PLCB3: variants seen among roughly 807,000 people sequenced by gnomAD.
PLCB3 encodes the protein 1-phosphatidylinositol 4,5-bisphosphate phosphodiesterase beta-3.
A neutral mutation model predicts 152.1 loss-of-function variants in PLCB3; 54 were observed. The ratio of observed to expected loss-of-function variants is 0.36; its 90% CI spans 0.29 to 0.45. The LOEUF is 0.45. Among genes scored for constraint, PLCB3 ranks in the 20% least tolerant of loss-of-function variants. PLCB3 has a pLI of 1.00. For missense variants in PLCB3, 1,248 were observed against 1,687.5 expected, an observed-to-expected ratio of 0.74 and a Z score of 4.56; for synonymous variants, 717 against 698.7, an observed-to-expected ratio of 1.03 and a Z score of -0.41.
rs1428855116 is a variant in PLCB3, at chr11:64,255,963, C to T, written c.698+142C>T. On this transcript the variant is annotated intron_variant, in intron 8 of 30. Coordinates refer to ENST00000279230, the MANE Select transcript of PLCB3 (RefSeq NM_000932.5). This position sits in a 1 kb window ranked among gnomAD's most constrained non-coding sequence, Gnocchi z 6.8. ...GGGCGGAGGGGTGCCCAGGGAGAAC[C>T]TGTCGGTGATGTTCCTGTACTCAGA... 23 of 666,892 alleles carry T rather than the reference C, an allele frequency of 3.4e-5. No individual in the cohort carries two copies. Among genetic ancestry groups the T allele is most frequent in the East Asian group, 2.4e-4 (9 of 37,182 alleles). The allele number at this position is 666,892 out of a possible 1,614,324, so 41.3% of individuals were successfully genotyped here. A position where few individuals can be genotyped will look rare whatever the true frequency, so the allele number is the denominator to read the frequency against.
intron 1 of PLCB3, among the ~76,000 whole-genome samples, chr11:64,252,723 C>G (rs1017869163): frequency 1.3e-5 from 2 of 152,020 alleles, no homozygotes; most frequent in African/African-American, 4.8e-5. Flanking sequence ...CCCCTCCCCC[C>G]AGGCTGGCCT....
At chr11:64,260,534 C>G (rs2031794513) in intron 14 of PLCB3, among the ~76,000 whole-genome samples, 1 of 151,808 alleles carries the variant, frequency 6.6e-6, no homozygotes, top group South Asian at 2.1e-4. Context: ...GTACAAAGGT[C>G]CTGGGGCAGG....
At chr11:64,253,044 A>G (rs760353696) in intron 1 of PLCB3, among the ~76,000 whole-genome samples, 7 of 152,320 alleles carry the variant, frequency 4.6e-5, no homozygotes, top group East Asian at 1.9e-4. Flanking sequence ...TGCATCCCCA[A>G]ATTTTGGGGG....
At chr11:64,262,946 G>A (rs1707787450) in intron 19 of PLCB3, 138 bp downstream of exon 19, 1 of 821,634 alleles carries the variant, frequency 1.2e-6, no homozygotes, top group Non-Finnish European at 1.9e-6. Context: ...GGGTCCCCCA[G>A]GACCTGCCTG....
In PLCB3 at chr11:64,256,433, G is replaced by C. The variant is rs1337150384; in HGVS notation, c.756G>C (p.Gln252His). The C allele has an allele frequency of 2.5e-6, 4 of 1,613,758 alleles. No individual in the cohort carries two copies. The highest frequency in any genetic ancestry group is 3.4e-6 in the Non-Finnish European group (4 of 1,180,020). ...TLEQLMDFIN[Q>H]KQRDPRLNEV... The stretch of plus-strand genomic sequence containing the variant: ...AGCAGCTCATGGACTTCATCAACCA[G>C]AAGCAACGCGACCCGAGACTCAACG... Residue 252 changes from glutamine to histidine, a missense_variant, in exon 9 of 31, where the codon CAG becomes CAC. By Grantham distance (24) the Gln-to-His change is conservative (BLOSUM62 0). This residue lies in a region of PLCB3 where 299 missense variants were observed against 434.7 expected (regional missense o/e 0.69). Transcript: ENST00000279230.
intron 20 of PLCB3, 36 bp from the exon 21 acceptor site, chr11:64,263,655 G>C (rs766043895): frequency 6.2e-6 from 10 of 1,607,668 alleles, no homozygotes; most frequent in Non-Finnish European, 7.7e-6. Flanking sequence ...CCCCCACCTG[G>C]CCCAGCAACC....
rs368776876 is a variant in PLCB3, at chr11:64,255,673, C to T, written c.598-48C>T. 7.8e-5 allele frequency: 124 copies of T among 1,586,986 alleles called. No homozygotes were observed. The highest frequency in any genetic ancestry group is 2.5e-4 in the East Asian group (11 of 43,592). On this transcript the variant is annotated intron_variant, in intron 7 of 30. Coordinates refer to ENST00000279230, the MANE Select transcript of PLCB3 (RefSeq NM_000932.5). This position sits in a 1 kb window ranked among gnomAD's most constrained non-coding sequence, Gnocchi z 6.8. The stretch of plus-strand genomic sequence containing the variant: ...GTGTCACGGTGGGCACCCACCCTTA[C>T]GGGGCTGCCCGCCCCTGGCTTCTCA...
intron 14 of PLCB3, 23 bp from the exon 15 acceptor site, chr11:64,261,377 T>A: frequency 6.3e-7 from 1 of 1,592,110 alleles, no homozygotes; most frequent in Non-Finnish European, 8.6e-7. Context: ...ATGGCACTGC[T>A]GACCCTGGGT....
rs534987440 is a variant in PLCB3 at position 64,251,600 on chromosome 11, T to C, written c.-50T>C. On this transcript the variant is annotated 5_prime_UTR_variant, in exon 1 of 31. Coordinates refer to ENST00000279230, the MANE Select transcript of PLCB3 (RefSeq NM_000932.5). ...CCGCGCGGTGGGAGCAGCGGCGCCG[T>C]CGGTCCCCGTCAGGGCTCCGTGGGT... 3.2e-6 allele frequency: 3 copies of C among 928,372 alleles called. No individual in the cohort carries two copies. The highest frequency in any genetic ancestry group is 4.3e-6 in the Non-Finnish European group (3 of 699,328). The allele number at this position is 928,372 out of a possible 1,614,324, so 57.5% of individuals were successfully genotyped here.
rs768799014 is a variant in PLCB3 at position 64,261,670 on chromosome 11, C to T, written c.1913+5C>T. 6.2e-7 allele frequency: 1 copy of T among 1,613,002 alleles called. No homozygotes were observed. On this transcript the variant is annotated splice_donor_5th_base_variant and intron_variant, in intron 16 of 30. Coordinates refer to ENST00000279230, the MANE Select transcript of PLCB3 (RefSeq NM_000932.5). ...GAGCCCCATGGAGTTTGTGGAGTATCCTTTGAAGGTGCTGTGGGCGGGCAG... is the reference window on the plus strand; with the variant it reads ...GAGCCCCATGGAGTTTGTGGAGTATTCTTTGAAGGTGCTGTGGGCGGGCAG...
Position 64,255,185 on chromosome 11 carries a change from GC to G in PLCB3, c.388-45del, listed in dbSNP as rs1380940664. On this transcript the variant is annotated intron_variant, in intron 4 of 30. Transcript: ENST00000279230. This position sits in a 1 kb window ranked among gnomAD's most constrained non-coding sequence, Gnocchi z 6.8. Reference sequence around the variant, plus strand: ...TGTGGACCTGGGTTGTGGCTGGGCAGCCCCTGTGTCCCCCACTCACCGCCTC... The same window carrying G: ...TGTGGACCTGGGTTGTGGCTGGGCAGCCCTGTGTCCCCCACTCACCGCCTC... 5.2e-6 allele frequency: 8 copies of G among 1,543,954 alleles called. No homozygotes were observed. In the South Asian group the frequency reaches 8.9e-5, roughly 17 times the overall value.
chr11:64,255,399 C>T lies in PLCB3; in HGVS notation c.471C>T (p.Tyr157=). The T allele has an allele frequency of 6.2e-7, 1 of 1,614,146 alleles. No individual in the cohort carries two copies. The highest frequency in any genetic ancestry group is 8.5e-7 in the Non-Finnish European group (1 of 1,180,016). Residue 157 remains tyrosine (Y), a synonymous_variant, in exon 6 of 31, where the codon TAC becomes TAT. Transcript: ENST00000279230. This position sits in a 1 kb window ranked among gnomAD's most constrained non-coding sequence, Gnocchi z 6.8. ...ACCTCTTCATCTGCCTTCCCAGATACACGAAGCTGAAGCTGCAGGTGAACC... is the reference window on the plus strand; with the variant it reads ...ACCTCTTCATCTGCCTTCCCAGATATACGAAGCTGAAGCTGCAGGTGAACC... ...ASRNTFLRKA[Y]TKLKLQVNQD... is the part of the protein sequence containing the mutation.
Position 64,255,209 on chromosome 11 carries a change from C to A in PLCB3, c.388-25C>A. ...AGCCCCTGTGTCCCCCACTCACCGCCTCCCCGTGTATACTGGCCCCCCAGG... is the reference window on the plus strand; with the variant it reads ...AGCCCCTGTGTCCCCCACTCACCGCATCCCCGTGTATACTGGCCCCCCAGG... On this transcript the variant is annotated intron_variant, in intron 4 of 30. Coordinates refer to ENST00000279230, the MANE Select transcript of PLCB3 (RefSeq NM_000932.5). This position sits in a 1 kb window ranked among gnomAD's most constrained non-coding sequence, Gnocchi z 6.8. 6.3e-7 allele frequency: 1 copy of A among 1,598,996 alleles called. No homozygotes were observed. Among genetic ancestry groups the A allele is most frequent in the Non-Finnish European group, 8.6e-7 (1 of 1,167,170 alleles).
In PLCB3 at chr11:64,258,068, C is replaced by A. The variant is rs979323631; in HGVS notation, c.1013-405C>A. Reference sequence around the variant, plus strand: ...ACTCGGGAGGCTGAGGCAGGAGAATCGCTTGAACCAGGGAGGCGGAGGTTG... The same window carrying A: ...ACTCGGGAGGCTGAGGCAGGAGAATAGCTTGAACCAGGGAGGCGGAGGTTG... On this transcript the variant is annotated intron_variant, in intron 10 of 30. Transcript: ENST00000279230. This position sits in a 1 kb window ranked among gnomAD's most constrained non-coding sequence, Gnocchi z 7.2. Among the ~76,000 whole-genome samples, 6 of 151,350 alleles carry A rather than the reference C, an allele frequency of 4.0e-5. No homozygotes were observed. Among genetic ancestry groups the A allele is most frequent in the Non-Finnish European group, 7.4e-5 (5 of 67,858 alleles).
chr11:64,266,451 G>A lies in PLCB3; in HGVS notation c.3357-44G>A. Reference sequence around the variant, plus strand: ...GCCATCTGGGTACTGGGGAGGCAGGGCAGGTGTCTGGGCCCCGAGCCATCC... The same window carrying A: ...GCCATCTGGGTACTGGGGAGGCAGGACAGGTGTCTGGGCCCCGAGCCATCC... On this transcript the variant is annotated intron_variant, in intron 28 of 30. Transcript: ENST00000279230. This position sits in a 1 kb window ranked among gnomAD's most constrained non-coding sequence, Gnocchi z 4.9. 6.2e-7 allele frequency: 1 copy of A among 1,605,218 alleles called. No homozygotes were observed. Among genetic ancestry groups the A allele is most frequent in the Middle Eastern group, 1.7e-4 (1 of 6,036 alleles).
intron 10 of PLCB3, among the ~76,000 whole-genome samples, chr11:64,257,380 T>G (rs934993993): frequency 2.6e-5 from 4 of 152,256 alleles, no homozygotes; most frequent in Non-Finnish European, 5.9e-5. Context: ...TTTGGGAGGC[T>G]GAAGCAGGCA....
chr11:64,266,299 C>T lies in PLCB3; in HGVS notation c.3267-16C>T. ...TCTGCCGCTGACCCCTCCTCTTCCC[C>T]TGCCGGCTTCTCCAGGGAGAAGAAG... On this transcript the variant is annotated splice_polypyrimidine_tract_variant and intron_variant, in intron 27 of 30. Coordinates refer to ENST00000279230, the MANE Select transcript of PLCB3 (RefSeq NM_000932.5). The surrounding 1 kb of genome is among the most constrained non-coding windows in gnomAD (Gnocchi z 4.9). The T allele has an allele frequency of 1.2e-6, 2 of 1,613,606 alleles. No individual in the cohort carries two copies. The highest frequency in any genetic ancestry group is 1.7e-5 in the Admixed American group (1 of 59,942).
In PLCB3 at chr11:64,255,676, G is replaced by T; in HGVS notation, c.598-45G>T. On this transcript the variant is annotated intron_variant, in intron 7 of 30. Transcript: ENST00000279230. The surrounding 1 kb of genome is among the most constrained non-coding windows in gnomAD (Gnocchi z 6.8). The stretch of plus-strand genomic sequence containing the variant: ...TCACGGTGGGCACCCACCCTTACGG[G>T]GCTGCCCGCCCCTGGCTTCTCACCC... The T allele has an allele frequency of 3.1e-6, 5 of 1,609,674 alleles. No individual in the cohort carries two copies. Among genetic ancestry groups the T allele is most frequent in the Non-Finnish European group, 4.2e-6 (5 of 1,176,980 alleles).
At position 64,262,273 on chromosome 11, in the gene PLCB3, C is replaced by T. The variant is rs534070219; in HGVS notation, c.2039-134C>T. On this transcript the variant is annotated intron_variant, in intron 17 of 30. Transcript: ENST00000279230. ...TCCCCTGTCTGATCTGTCCTGGATC[C>T]GGACCCTGATGCCATTTGAGCCCGC... The T allele has an allele frequency of 2.7e-4, 359 of 1,306,546 alleles. 3 individuals carry two copies. In the South Asian group the frequency reaches 4.0e-3, roughly 15 times the overall value. The allele number at this position is 1,306,546 out of a possible 1,614,324, so 80.9% of individuals were successfully genotyped here.
Sources: gnomAD v4.1 joint callset for allele counts (sites outside exome capture counted in the v4.1 genomes callset) on GRCh38, gnomAD v4.1.1 for gene constraint, gnomAD v4.1.1 regional missense constraint, Gnocchi (gnomAD v3.1) non-coding constraint, MANE v1.5 for transcripts, NCBI Gene and HGNC (gene_info 2026-07-23, HGNC 2026-07-21) for gene names.